NSL1: variants seen among roughly 807,000 people sequenced by gnomAD.
The protein encoded by NSL1 is kinetochore-associated protein NSL1 homolog.
Under a neutral mutation model 25.4 loss-of-function variants are expected in NSL1, and 11 were observed. The observed-to-expected ratio is 0.43, with a 90% CI of 0.27 to 0.72. The LOEUF (loss-of-function observed/expected upper bound fraction) is 0.72, where lower values mean the gene tolerates loss of function less well. Among genes scored for constraint, NSL1 ranks in the 30% least tolerant of loss-of-function variants. NSL1 has a pLI of 0.19. For missense variants in NSL1, 330 were observed against 342.7 expected, an observed-to-expected ratio of 0.96 and a Z score of 0.29; for synonymous variants, 118 against 120.6, an observed-to-expected ratio of 0.98 and a Z score of 0.14.
intron 4 of NSL1, among the ~76,000 whole-genome samples, chr1:212,770,464 A>C (rs1660050299): frequency 6.6e-6 from 1 of 152,112 alleles, no homozygotes; most frequent in Admixed American, 6.5e-5. Context: ...CGTTGATTGA[A>C]CCAGGAAAAA....
At chr1:212,749,539 A>AGC (rs891076108) in intron 4 of NSL1, among the ~76,000 whole-genome samples, 76 of 152,092 alleles carry the variant, frequency 5.0e-4, no homozygotes, top group African/African-American at 1.8e-3. Flanking sequence ...TTCCTGCCTT[A>AGC]GCCTCCCAAA....
At chr1:212,758,793 A>G (rs1659425468) in intron 4 of NSL1, among the ~76,000 whole-genome samples, 1 of 152,220 alleles carries the variant, frequency 6.6e-6, no homozygotes, top group Admixed American at 6.5e-5. Flanking sequence ...CAAAATTCAT[A>G]TGGAATTTGA....
chr1:212,738,310 T>C lies in NSL1; in HGVS notation c.*98A>G. The C allele has an allele frequency of 6.6e-6, 10 of 1,506,302 alleles. No individual in the cohort carries two copies. Among genetic ancestry groups the C allele is most frequent in the Non-Finnish European group, 7.9e-6 (9 of 1,133,294 alleles). 93.3% of individuals were successfully genotyped at this position (1,506,302 alleles called of 1,614,324 possible). A position where few individuals can be genotyped will look rare whatever the true frequency, so the allele number is the denominator to read the frequency against. On this transcript the variant is annotated 3_prime_UTR_variant, in exon 6 of 6. Transcript: ENST00000366977. ...AAATGAATCACTAGTAAAAGAGTTA[T>C]TTCTTATTTCAAATGAAGTCTTATC...
At chr1:212,747,674 T>C (rs1444499134) in intron 4 of NSL1, among the ~76,000 whole-genome samples, 3 of 152,240 alleles carry the variant, frequency 2.0e-5, no homozygotes, top group Admixed American at 6.5e-5. Flanking sequence ...TAGGCAGCAA[T>C]AGATAACTAA....
intron 4 of NSL1, among the ~76,000 whole-genome samples, chr1:212,772,827 A>G (rs924570879): frequency 5.3e-5 from 8 of 152,212 alleles, no homozygotes; most frequent in African/African-American, 1.7e-4. Flanking sequence ...AGTAACCAAA[A>G]TAACATGATA....
intron 4 of NSL1, chr1:212,766,134 T>TAA: frequency 2.9e-6 from 1 of 343,676 alleles, no homozygotes; most frequent in Non-Finnish European, 5.3e-6. Flanking sequence ...AGACTCCATC[T>TAA]CAAAAAAAAA....
chr1:212,758,101 C>T (rs1280562471), intron 4 of NSL1, among the ~76,000 whole-genome samples: 1 of 152,098 alleles, frequency 6.6e-6, no homozygotes, highest in Non-Finnish European at 1.5e-5. Flanking sequence ...TTGGAATGTG[C>T]ATGTATTGTT....
chr1:212,762,306 CAAAAAAAAAA>C (rs71147025), intron 4 of NSL1, among the ~76,000 whole-genome samples: 2 of 114,634 alleles, frequency 1.7e-5, no homozygotes, highest in East Asian at 2.5e-4. Flanking sequence ...TTAAAAGAAA[CAAAAAAAAAA>C]AAAAAAAAAA....
chr1:212,776,709 A>T (rs1198393419), intron 4 of NSL1, among the ~76,000 whole-genome samples: 2 of 102,130 alleles, frequency 2.0e-5, no homozygotes, highest in Admixed American at 1.7e-4. Flanking sequence ...ACGGTAAAAC[A>T]AAACAAAACA....
intron 5 of NSL1, 59 bp from the exon 6 acceptor site, chr1:212,738,745 A>G: frequency 1.4e-6 from 2 of 1,434,994 alleles, no homozygotes; most frequent in Non-Finnish European, 1.9e-6. Flanking sequence ...ACAAACAGAC[A>G]AAGATGGATG....
Position 212,737,465 on chromosome 1 carries a change from T to A in NSL1, c.*943A>T. The A allele has an allele frequency of 1.0e-6, 1 of 984,998 alleles. No homozygotes were observed. Among genetic ancestry groups the A allele is most frequent in the South Asian group, 4.7e-5 (1 of 21,284 alleles). 61.0% of individuals were successfully genotyped at this position (984,998 alleles called of 1,614,324 possible). A position where few individuals can be genotyped will look rare whatever the true frequency, so the allele number is the denominator to read the frequency against. On this transcript the variant is annotated 3_prime_UTR_variant, in exon 6 of 6. Transcript: ENST00000366977. ...GTTTGATGGCCCTGCCTACACTGTA[T>A]AATGTAAGACACACAATAAGAGCTA...
chr1:212,787,738 T>G (rs1310927701), intron 1 of NSL1, 101 bp from the exon 2 acceptor site: 3 of 681,274 alleles, frequency 4.4e-6, no homozygotes, highest in Non-Finnish European at 7.4e-6. Context: ...ACAGAGGAAA[T>G]AAAAGTAGCA....
In NSL1 at chr1:212,731,048, T is replaced by A; in HGVS notation, c.*7360A>T. On this transcript the variant is annotated 3_prime_UTR_variant, in exon 6 of 6. Transcript: ENST00000366977. The stretch of plus-strand genomic sequence containing the variant: ...GATTCTTTACCCCTGAAGCTTCAAA[T>A]GAATATAACATTAATTTTCTCAAAT... 3.0e-6 allele frequency: 3 copies of A among 985,302 alleles called. No homozygotes were observed. Among genetic ancestry groups the A allele is most frequent in the African/African-American group, 1.7e-5 (1 of 57,328 alleles). The allele number at this position is 985,302 out of a possible 1,614,324, so 61.0% of individuals were successfully genotyped here. A position where few individuals can be genotyped will look rare whatever the true frequency, so the allele number is the denominator to read the frequency against.
rs1658200512 is a variant in NSL1, at chr1:212,735,552, T to C, written c.*2856A>G. Reference sequence around the variant, plus strand: ...TAGGATAAGATTTTCTGTGGGCTTGTGTTATGGACTCAATGTTTGTGTCCC... The same window carrying C: ...TAGGATAAGATTTTCTGTGGGCTTGCGTTATGGACTCAATGTTTGTGTCCC... On this transcript the variant is annotated 3_prime_UTR_variant, in exon 6 of 6. Coordinates refer to ENST00000366977, the MANE Select transcript of NSL1 (RefSeq NM_015471.4). 9.1e-6 allele frequency: 9 copies of C among 985,280 alleles called. No homozygotes were observed. Among genetic ancestry groups the C allele is most frequent in the African/African-American group, 8.7e-5 (5 of 57,356 alleles). The allele number at this position is 985,280 out of a possible 1,614,324, so 61.0% of individuals were successfully genotyped here.
At chr1:212,752,831 T>A (rs1571879765) in intron 4 of NSL1, among the ~76,000 whole-genome samples, 1 of 150,938 alleles carries the variant, frequency 6.6e-6, no homozygotes, top group African/African-American at 2.4e-5. Flanking sequence ...CAGGTCACTG[T>A]ACTGACTAAA....
chr1:212,731,867 C>A lies in NSL1; in HGVS notation c.*6541G>T. 2 of 985,396 alleles carry A rather than the reference C, an allele frequency of 2.0e-6. No homozygotes were observed. The highest frequency in any genetic ancestry group is 2.4e-6 in the Non-Finnish European group (2 of 829,916). The allele number at this position is 985,396 out of a possible 1,614,324, so 61.0% of individuals were successfully genotyped here. On this transcript the variant is annotated 3_prime_UTR_variant, in exon 6 of 6. Coordinates refer to ENST00000366977, the MANE Select transcript of NSL1 (RefSeq NM_015471.4). ...ATCCCTGCCACTCTGGCTGCTCCAG[C>A]TCCATGTCCTGGGACACCCTACCCT...
At chr1:212,766,935 C>T (rs993630230) in intron 4 of NSL1, among the ~76,000 whole-genome samples, 17 of 152,138 alleles carry the variant, frequency 1.1e-4, no homozygotes, top group African/African-American at 3.9e-4. Context: ...TGAAAGAAAT[C>T]ACAGATGACA....
chr1:212,746,986 A>T (rs941890717), intron 4 of NSL1, among the ~76,000 whole-genome samples: 2 of 152,154 alleles, frequency 1.3e-5, no homozygotes, highest in Non-Finnish European at 2.9e-5. Flanking sequence ...CTCTACTAAA[A>T]ACACAAAAAT....
chr1:212,730,419 C>T lies in NSL1; in HGVS notation c.*7989G>A. 1 of 985,060 alleles carries T rather than the reference C, an allele frequency of 1.0e-6. No homozygotes were observed. 61.0% of individuals were successfully genotyped at this position (985,060 alleles called of 1,614,324 possible). ...GGCCACAGAGCTACATGAATGGGCA[C>T]CAAGGGAGGTCTTAAAATCTGCAAC... On this transcript the variant is annotated 3_prime_UTR_variant, in exon 6 of 6. Coordinates refer to ENST00000366977, the MANE Select transcript of NSL1 (RefSeq NM_015471.4).
Sources: allele counts gnomAD v4.1 joint callset (sites outside exome capture counted in the v4.1 genomes callset), GRCh38; gene constraint gnomAD v4.1.1; transcripts MANE v1.5; gene names NCBI Gene and HGNC (gene_info 2026-07-23, HGNC 2026-07-21).